The following GPR183 variants were observed in gnomAD, a reference collection of about 807,000 sequenced individuals.
GPR183 encodes G protein-coupled receptor 183, also known as EBV-induced G-protein coupled receptor 2.
GPR183 carries 9 observed loss-of-function variants against 19.7 expected under a neutral mutation model. The observed-to-expected ratio is 0.46, with a 90% CI of 0.28 to 0.80. GPR183 has a LOEUF of 0.80. Ranked by LOEUF, GPR183 falls within the 30% of genes least tolerant of loss-of-function variation. The pLI, the probability that GPR183 is intolerant of heterozygous loss-of-function variation, is 0.13. For missense variants in GPR183, 368 were observed against 446.7 expected (o/e 0.82, Z 1.59); for synonymous variants, 160 against 155.1 (o/e 1.03, Z -0.24).
chr13:99,298,607 G>A (rs561691162), intron 1 of GPR183, among the ~76,000 whole-genome samples: 1 of 152,240 alleles, frequency 6.6e-6, no homozygotes, highest in African/African-American at 2.4e-5. Flanking sequence ...TCCAAAGCAA[G>A]TGGAAGAAAA....
At chr13:99,305,886 CATTTATTT>C (rs10633287) in intron 1 of GPR183, among the ~76,000 whole-genome samples, 2 of 151,510 alleles carry the variant, frequency 1.3e-5, no homozygotes, top group Non-Finnish European at 1.5e-5. Context: ...GACTCAGGGC[CATTTATTT>C]ATTTATTTAT....
At chr13:99,297,009 A>G (rs1205692739) in intron 1 of GPR183, among the ~76,000 whole-genome samples, 1 of 152,172 alleles carries the variant, frequency 6.6e-6, no homozygotes, top group East Asian at 1.9e-4. Flanking sequence ...AGTGCAATGT[A>G]TATATTTGTC....
intron 1 of GPR183, among the ~76,000 whole-genome samples, chr13:99,302,858 A>T (rs1356984387): frequency 2.6e-5 from 4 of 152,118 alleles, no homozygotes; most frequent in African/African-American, 9.7e-5. Context: ...GGTTAAATAC[A>T]TCTTTGTACA....
Position 99,304,726 on chromosome 13 carries a change from G to C in GPR183, c.-19+2614C>G, listed in dbSNP as rs2044306705. Among the ~76,000 whole-genome samples the C allele has an allele frequency of 1.3e-5, 2 of 151,936 alleles. 1 individual carries two copies. Among genetic ancestry groups the C allele is most frequent in the Admixed American group, 1.3e-4 (2 of 15,272 alleles). ...AACTTTCACAAGTCCATTGACAGAA[G>C]GTGAAACGGAGGCACCAGGGCACTT... On this transcript the variant is annotated intron_variant, in intron 1 of 1. Transcript: ENST00000376414.
intron 1 of GPR183, among the ~76,000 whole-genome samples, chr13:99,300,681 A>G (rs961818216): frequency 6.6e-6 from 1 of 152,204 alleles, no homozygotes; most frequent in African/African-American, 2.4e-5. Context: ...GAATACAGAG[A>G]TGGTACCTTT....
At chr13:99,304,867 A>G (rs1056700812) in intron 1 of GPR183, among the ~76,000 whole-genome samples, 1 of 152,232 alleles carries the variant, frequency 6.6e-6, no homozygotes, top group African/African-American at 2.4e-5. Context: ...ATCTGCTATT[A>G]TGGGTAGAAA....
At chr13:99,299,517 A>G (rs997665626) in intron 1 of GPR183, among the ~76,000 whole-genome samples, 2 of 152,114 alleles carry the variant, frequency 1.3e-5, no homozygotes, top group African/African-American at 2.4e-5. Context: ...TGTATGAGTA[A>G]TTTTGGGGCT....
At position 99,295,029 on chromosome 13, in the gene GPR183, T is replaced by C; in HGVS notation, c.*31A>G. On this transcript the variant is annotated 3_prime_UTR_variant, in exon 2 of 2. Transcript: ENST00000376414. This position sits in a 1 kb window ranked among gnomAD's most constrained non-coding sequence, Gnocchi z 4.1. ...GTCCTGCAAAGTTTGTCATACAGTT[T>C]ACGTCACTATAAACCAAAATACAAT... 1 of 1,591,120 alleles carries C rather than the reference T, an allele frequency of 6.3e-7. No individual in the cohort carries two copies. The highest frequency in any genetic ancestry group is 1.8e-5 in the Admixed American group (1 of 56,604).
In GPR183 at chr13:99,295,488, A is replaced by G. The variant is rs2044156401; in HGVS notation, c.658T>C (p.Cys220Arg). Residue 220 changes from cysteine (C) to arginine (R), a missense_variant, in exon 2 of 2, where the codon TGC becomes CGC. By Grantham distance (180) the Cys-to-Arg change is radical (BLOSUM62 -3). Transcript: ENST00000376414. This position sits in a 1 kb window ranked among gnomAD's most constrained non-coding sequence, Gnocchi z 4.1. Reference protein sequence around the residue: ...IIILICYSQICCKLFRTAKQN... With the variant: ...IIILICYSQIRCKLFRTAKQN... ...TTGGCAGTTCTGAAGAGTTTGCAGCAGATCTGAGAATAGCAGATGAGAATG... is the reference window on the plus strand; with the variant it reads ...TTGGCAGTTCTGAAGAGTTTGCAGCGGATCTGAGAATAGCAGATGAGAATG... The G allele has an allele frequency of 6.2e-7, 1 of 1,613,900 alleles. No homozygotes were observed. The highest frequency in any genetic ancestry group is 1.1e-5 in the South Asian group (1 of 91,078).
At chr13:99,305,017 G>T (rs1032270822) in intron 1 of GPR183, among the ~76,000 whole-genome samples, 1 of 152,102 alleles carries the variant, frequency 6.6e-6, no homozygotes, top group African/African-American at 2.4e-5. Context: ...GAGTTTATTA[G>T]TTTATTTGTA....
intron 1 of GPR183, 61 bp from the exon 2 acceptor site, chr13:99,296,224 A>G: frequency 7.2e-7 from 1 of 1,379,818 alleles, no homozygotes; most frequent in Non-Finnish European, 9.7e-7. Context: ...TTGATTACTC[A>G]TTAGTTTTAA....
At chr13:99,305,804 G>A (rs1163466780) in intron 1 of GPR183, among the ~76,000 whole-genome samples, 4 of 152,186 alleles carry the variant, frequency 2.6e-5, no homozygotes, top group Non-Finnish European at 4.4e-5. Context: ...AACCCGCAGA[G>A]AGAAAACATG....
chr13:99,301,745 T>C (rs760015477), intron 1 of GPR183, among the ~76,000 whole-genome samples: 1 of 152,270 alleles, frequency 6.6e-6, no homozygotes, highest in Non-Finnish European at 1.5e-5. Flanking sequence ...AGAGGACATG[T>C]ACCTTCCATG....
At chr13:99,305,978 C>T (rs2044328353) in intron 1 of GPR183, among the ~76,000 whole-genome samples, 1 of 152,132 alleles carries the variant, frequency 6.6e-6, no homozygotes, top group African/African-American at 2.4e-5. Context: ...TCACTGCAAC[C>T]TCCGCCTCCC....
chr13:99,305,788 G>A (rs1236155986), intron 1 of GPR183, among the ~76,000 whole-genome samples: 1 of 152,166 alleles, frequency 6.6e-6, no homozygotes, highest in Admixed American at 6.5e-5. Context: ...TCCAAAAAGT[G>A]CAGTGAACCC....
intron 1 of GPR183, among the ~76,000 whole-genome samples, chr13:99,296,509 T>G (rs1174756041): frequency 1.3e-5 from 2 of 152,190 alleles, no homozygotes; most frequent in Non-Finnish European, 2.9e-5. Flanking sequence ...CCCCTTCCCT[T>G]TTTTGAATCA....
chr13:99,301,924 ATC>A (rs1474821055), intron 1 of GPR183, among the ~76,000 whole-genome samples: 1 of 152,202 alleles, frequency 6.6e-6, no homozygotes, highest in Non-Finnish European at 1.5e-5. Flanking sequence ...TATTTTAATA[ATC>A]ATCAACACCT....
intron 1 of GPR183, among the ~76,000 whole-genome samples, chr13:99,306,720 A>G (rs1451199132): frequency 1.3e-5 from 2 of 152,340 alleles, no homozygotes; most frequent in South Asian, 4.1e-4. Context: ...AAGTAAACAC[A>G]AGTATAAACC....
intron 1 of GPR183, among the ~76,000 whole-genome samples, chr13:99,304,996 T>C (rs2044311044): frequency 6.6e-6 from 1 of 152,208 alleles, no homozygotes; most frequent in Admixed American, 6.5e-5. Context: ...GAGATGTTGA[T>C]TCAAATGAAG....
Sources: allele counts gnomAD v4.1 joint callset (sites outside exome capture counted in the v4.1 genomes callset), GRCh38; gene constraint gnomAD v4.1.1; non-coding constraint Gnocchi (gnomAD v3.1); transcripts MANE v1.5; gene names NCBI Gene and HGNC (gene_info 2026-07-23, HGNC 2026-07-21).